PIGZ: variants seen among roughly 807,000 people sequenced by gnomAD.
The protein encoded by PIGZ is phosphatidylinositol glycan anchor biosynthesis class Z (Gwada blood group), also known as GPI alpha-1,2-mannosyltransferase 4.
PIGZ carries 16 observed loss-of-function variants against 16.4 expected under a neutral mutation model. The observed-to-expected ratio is 0.97, with a 90% confidence interval of 0.66 to 1.48. The LOEUF is 1.48. Among genes scored for constraint, PIGZ ranks in the 40% most tolerant of loss-of-function variants. The pLI, the probability that PIGZ is intolerant of heterozygous loss-of-function variation, is 0.00. For missense variants in PIGZ, 770 were observed against 739.2 expected (o/e 1.04, Z -0.48); for synonymous variants, 409 against 338.4 (o/e 1.21, Z -2.29).
chr3:196,967,332 G>A (rs929405735), intron 1 of PIGZ, among the ~76,000 whole-genome samples: 1 of 152,182 alleles, frequency 6.6e-6, no homozygotes, highest in African/African-American at 2.4e-5. Flanking sequence ...GCCGTCCGGA[G>A]TGGCAGGGCC....
chr3:196,950,404 G>A (rs1717227260), intron 2 of PIGZ, among the ~76,000 whole-genome samples: 1 of 152,222 alleles, frequency 6.6e-6, no homozygotes. Flanking sequence ...TGAGGGGTGG[G>A]GGCGCGGGAG....
intron 1 of PIGZ, among the ~76,000 whole-genome samples, chr3:196,962,826 T>G (rs370060014): frequency 4.6e-5 from 7 of 152,204 alleles, no homozygotes; most frequent in East Asian, 3.8e-4. Context: ...CATTACCCTA[T>G]AGTCCTGCCA....
Position 196,951,853 on chromosome 3 carries a change from T to A in PIGZ, c.179A>T (p.Asp60Val), listed in dbSNP as rs1163773356. 1 of 1,614,174 alleles carries A rather than the reference T, an allele frequency of 6.2e-7. No individual in the cohort carries two copies. Among genetic ancestry groups the A allele is most frequent in the South Asian group, 1.1e-5 (1 of 91,072 alleles). Residue 60 changes from aspartate (D) to valine (V), a missense_variant, in exon 2 of 3, where the codon GAT becomes GTT. Transcript: ENST00000412723. The part of the protein sequence containing the change: ...LLPQTGYVHP[D>V]EFFQSPEVMA... ...CACCTCAGGGGACTGGAAGAACTCA[T>A]CTGGGTGCACATAGCCCGTCTGCGG...
intron 2 of PIGZ, 24 bp downstream of exon 2, chr3:196,951,797 T>TCAGC (rs1305710812): frequency 6.2e-7 from 1 of 1,612,652 alleles, no homozygotes; most frequent in South Asian, 1.1e-5. Context: ...GCAGCTTGTC[T>TCAGC]CAGCCACACA....
At chr3:196,966,665 C>T (rs1388935964) in intron 1 of PIGZ, among the ~76,000 whole-genome samples, 1 of 152,256 alleles carries the variant, frequency 6.6e-6, no homozygotes, top group Non-Finnish European at 1.5e-5. Flanking sequence ...GAACGACCCC[C>T]GCCCGCTGGC....
At chr3:196,957,769 G>A (rs1219581192) in intron 1 of PIGZ, among the ~76,000 whole-genome samples, 1 of 152,162 alleles carries the variant, frequency 6.6e-6, no homozygotes, top group Non-Finnish European at 1.5e-5. Context: ...TTCCCTCCGG[G>A]TGGGCAGTAA....
intron 2 of PIGZ, among the ~76,000 whole-genome samples, chr3:196,949,018 T>C (rs1577882336): frequency 2.0e-5 from 1 of 49,784 alleles, no homozygotes; most frequent in African/African-American, 2.0e-4. Context: ...TTCCCTCCCC[T>C]CCCTTCCCTT....
chr3:196,956,376 G>C, intron 1 of PIGZ, among the ~76,000 whole-genome samples: 1 of 152,158 alleles, frequency 6.6e-6, no homozygotes, highest in Non-Finnish European at 1.5e-5. Flanking sequence ...CGAATGAGAA[G>C]CAAACGAATG....
Position 196,947,553 on chromosome 3 carries a change from G to T in PIGZ, c.1344C>A (p.Ala448=). 3 of 1,613,796 alleles carry T rather than the reference G, an allele frequency of 1.9e-6. No individual in the cohort carries two copies. The highest frequency in any genetic ancestry group is 2.5e-6 in the Non-Finnish European group (3 of 1,180,002). ...GLEYLEQVVH[A]PVLPSTPTHY... is the part of the protein sequence containing the mutation. ...GGGTGGGTGTGCTTGGGAGCACAGG[G>T]GCATGGACCACCTGCTCCAGGTACT... The change falls in exon 3 of 3, where the codon GCC becomes GCA. Residue 448 remains alanine, a synonymous_variant. Transcript: ENST00000412723.
At position 196,948,975 on chromosome 3, in the gene PIGZ, C is replaced by T. The variant is rs1386201952; in HGVS notation, c.212-290G>A. 5.0e-4 allele frequency among the ~76,000 whole-genome samples: 24 copies of T among 48,184 alleles called. 1 individual carries two copies. The East Asian group carries it at 0.011, about 23-fold the overall frequency. 31.6% of individuals were successfully genotyped at this position (48,184 alleles called of 152,430 possible). A position where few individuals can be genotyped will look rare whatever the true frequency, so the allele number is the denominator to read the frequency against. On this transcript the variant is annotated intron_variant, in intron 2 of 2. Transcript: ENST00000412723. ...TCCCCTCCCTTCCTTCCCTTCCCCT[C>T]CCCTCCCTTCCCTTCCTTCCCTTTA...
intron 2 of PIGZ, among the ~76,000 whole-genome samples, chr3:196,949,060 C>CCCCTTCCTT (rs71161982): frequency 0.016 from 376 of 23,490 alleles, 72 homozygotes; most frequent in African/African-American, 0.081. Flanking sequence ...TCCCTTCCTT[C>CCCCTTCCTT]CCCTTCCTTC....
chr3:196,963,498 T>C (rs529955304), intron 1 of PIGZ, among the ~76,000 whole-genome samples: 5 of 152,280 alleles, frequency 3.3e-5, no homozygotes, highest in Admixed American at 1.3e-4. Context: ...TGGTATCTCA[T>C]TGTGGTTTTG....
chr3:196,966,003 T>A (rs1002707407), intron 1 of PIGZ, among the ~76,000 whole-genome samples: 3 of 152,192 alleles, frequency 2.0e-5, no homozygotes, highest in Admixed American at 1.3e-4. Flanking sequence ...TTCCTTACTG[T>A]GGCTGACAAG....
Position 196,947,410 on chromosome 3 carries a change from C to T in PIGZ, c.1487G>A (p.Cys496Tyr), listed in dbSNP as rs757924881. 5.0e-6 allele frequency: 8 copies of T among 1,613,810 alleles called. No individual in the cohort carries two copies. In the African/African-American group the frequency reaches 5.3e-5, roughly 11 times the overall value. ...DMGGTEDWAL[C>Y]QTLKSFTRQP... ...TCTGGTGAAGCTTTTCAGGGTTTGG[C>T]ACAGGGCCCAGTCCTCAGTCCCCCC... Residue 496 changes from cysteine (C) to tyrosine (Y), a missense_variant, in exon 3 of 3, where the codon TGC becomes TAC. Physicochemically the swap from Cys to Tyr is radical, Grantham distance 194. Transcript: ENST00000412723.
chr3:196,951,664 C>A, intron 2 of PIGZ, 157 bp downstream of exon 2: 1 of 697,572 alleles, frequency 1.4e-6, no homozygotes, highest in Non-Finnish European at 2.4e-6. Context: ...GAAGTCCCCA[C>A]TTCCAAGTTC....
chr3:196,953,385 C>G (rs149423398), intron 1 of PIGZ, among the ~76,000 whole-genome samples: 1,721 of 152,314 alleles, frequency 0.011, 30 homozygotes, highest in South Asian at 0.093. Context: ...AAAAATTACA[C>G]TCAACCCCAT....
At chr3:196,964,901 G>A (rs1241672112) in intron 1 of PIGZ, among the ~76,000 whole-genome samples, 1 of 152,108 alleles carries the variant, frequency 6.6e-6, no homozygotes, top group Non-Finnish European at 1.5e-5. Context: ...CAAATGAACA[G>A]GCTTTTTGCA....
Position 196,947,910 on chromosome 3 carries a change from C to T in PIGZ, c.987G>A (p.Leu329=). Residue 329 remains leucine (L), a synonymous_variant, in exon 3 of 3, where the codon CTG becomes CTA. Transcript: ENST00000412723. ...AVNGFLLFGV[L]HAQALQAAWQ... is the part of the protein sequence containing the mutation. Reference sequence around the variant, plus strand: ...ACGCAGCCTGCAGGGCCTGGGCATGCAGCACCCCGAAGAGCAGGAAGCCGT... The same window carrying T: ...ACGCAGCCTGCAGGGCCTGGGCATGTAGCACCCCGAAGAGCAGGAAGCCGT... 2 of 1,613,970 alleles carry T rather than the reference C, an allele frequency of 1.2e-6. No individual in the cohort carries two copies. Among genetic ancestry groups the T allele is most frequent in the Non-Finnish European group, 1.7e-6 (2 of 1,179,944 alleles).
intron 2 of PIGZ, among the ~76,000 whole-genome samples, chr3:196,949,510 A>C (rs1717176156): frequency 1.3e-5 from 2 of 152,206 alleles, no homozygotes; most frequent in South Asian, 4.1e-4. Flanking sequence ...GAAATGAACT[A>C]GATTCTGCTA....
Sources: allele counts gnomAD v4.1 joint callset (sites outside exome capture counted in the v4.1 genomes callset), GRCh38; gene constraint gnomAD v4.1.1; transcripts MANE v1.5; gene names NCBI Gene and HGNC (gene_info 2026-07-23, HGNC 2026-07-21).